The following ZNF385D variants were observed in gnomAD, a reference collection of about 807,000 sequenced individuals.
ZNF385D encodes zinc finger protein 659.
A neutral mutation model predicts 35.8 loss-of-function variants in ZNF385D; 15 were observed. That is an observed-to-expected ratio of 0.42 (90% CI 0.28 to 0.64). The LOEUF (loss-of-function observed/expected upper bound fraction) is 0.64. ZNF385D is among the 30% of genes least tolerant of loss of function. ZNF385D has a pLI of 0.23. For synonymous variants in ZNF385D, 212 were observed against 186.8 expected, an observed-to-expected ratio of 1.13 and a Z score of -1.10; for missense variants, 474 against 494.6, an observed-to-expected ratio of 0.96 and a Z score of 0.39.
chr3:22,344,198 G>GTGTGTGTA (rs1416353092), intron 2 of ZNF385D, among the ~76,000 whole-genome samples: 2 of 151,818 alleles, frequency 1.3e-5, no homozygotes, highest in Non-Finnish European at 1.5e-5. Context: ...GTGTGTGTGT[G>GTGTGTGTA]TGTGTGTGAA....
intron 3 of ZNF385D, among the ~76,000 whole-genome samples, chr3:22,134,650 C>T (rs1703998157): frequency 1.3e-5 from 2 of 152,126 alleles, no homozygotes; most frequent in African/African-American, 2.4e-5. Context: ...TGTGCTACTA[C>T]AACAGAATCC....
intron 3 of ZNF385D, among the ~76,000 whole-genome samples, chr3:21,949,947 A>G (rs1269057232): frequency 2.0e-5 from 3 of 151,982 alleles, no homozygotes; most frequent in African/African-American, 7.3e-5. Context: ...TTCTTTATCT[A>G]GTTTATCATT....
intron 3 of ZNF385D, among the ~76,000 whole-genome samples, chr3:22,065,148 T>G (rs949550315): frequency 6.6e-6 from 1 of 152,188 alleles, no homozygotes; most frequent in African/African-American, 2.4e-5. Context: ...ATGAACTTAT[T>G]GAGAGAGTGT....
intron 3 of ZNF385D, among the ~76,000 whole-genome samples, chr3:22,168,222 A>G (rs1246062862): frequency 6.6e-6 from 1 of 152,150 alleles, no homozygotes; most frequent in Non-Finnish European, 1.5e-5. Flanking sequence ...ATATTTTCTA[A>G]TAACTTTCCA....
At chr3:21,770,521 A>T (rs1159453537) in intron 3 of ZNF385D, among the ~76,000 whole-genome samples, 2 of 152,224 alleles carry the variant, frequency 1.3e-5, no homozygotes, top group African/African-American at 4.8e-5. Flanking sequence ...GATAAATGCA[A>T]ATCAAAACCA....
At chr3:21,998,840 A>G (rs1388851161) in intron 3 of ZNF385D, among the ~76,000 whole-genome samples, 1 of 152,210 alleles carries the variant, frequency 6.6e-6, no homozygotes, top group Non-Finnish European at 1.5e-5. Context: ...TAACATACGC[A>G]CACACATAGA....
chr3:21,555,776 G>A (rs2062712821), intron 3 of ZNF385D, among the ~76,000 whole-genome samples: 1 of 152,100 alleles, frequency 6.6e-6, no homozygotes, highest in African/African-American at 2.4e-5. Context: ...CTAGATCTTT[G>A]AGGAATCACC....
chr3:22,078,826 A>C (rs1345334605), intron 3 of ZNF385D, among the ~76,000 whole-genome samples: 3 of 152,076 alleles, frequency 2.0e-5, no homozygotes, highest in Admixed American at 1.3e-4. Context: ...ATGGATATAT[A>C]AGCAAAGATA....
chr3:21,735,136 G>A lies in ZNF385D; in HGVS notation c.22+15759C>T, dbSNP rs1362953670. On this transcript the variant is annotated intron_variant, in intron 1 of 7. Coordinates refer to ENST00000281523, the MANE Select transcript of ZNF385D (RefSeq NM_024697.3). ...CTAATGCAAATAATGGCAGGCTGGA[G>A]GTTTGAATTCAGTAAGCAAAGAGTC... Among the ~76,000 whole-genome samples, 4 of 152,302 alleles carry A rather than the reference G, an allele frequency of 2.6e-5. No homozygotes were observed. In the South Asian group the frequency reaches 6.2e-4, roughly 24 times the overall value.
At chr3:21,825,659 A>G (rs1453726485) in intron 3 of ZNF385D, among the ~76,000 whole-genome samples, 1 of 152,192 alleles carries the variant, frequency 6.6e-6, no homozygotes, top group Non-Finnish European at 1.5e-5. Flanking sequence ...TTTAAAAGCA[A>G]GACAGAAGAG....
At chr3:21,833,567 C>T (rs980816183) in intron 3 of ZNF385D, among the ~76,000 whole-genome samples, 16 of 152,108 alleles carry the variant, frequency 1.1e-4, no homozygotes, top group Admixed American at 2.0e-4. Flanking sequence ...TGTGGCCCTG[C>T]CACCGCTTGA....
At chr3:22,273,252 G>C (rs373900428) in intron 2 of ZNF385D, among the ~76,000 whole-genome samples, 6 of 152,116 alleles carry the variant, frequency 3.9e-5, no homozygotes, top group African/African-American at 1.4e-4. Context: ...AGCTTTATCT[G>C]TAGAACCTGT....
At chr3:21,449,418 T>C (rs1210763175) in intron 4 of ZNF385D, among the ~76,000 whole-genome samples, 1 of 152,194 alleles carries the variant, frequency 6.6e-6, no homozygotes, top group Admixed American at 6.5e-5. Flanking sequence ...TTGATATAAA[T>C]AGAAGTTCTA....
chr3:21,882,294 C>G (rs749127888), intron 3 of ZNF385D, among the ~76,000 whole-genome samples: 6 of 151,944 alleles, frequency 3.9e-5, no homozygotes, highest in Non-Finnish European at 8.8e-5. Context: ...CAGCAACCAC[C>G]ATCCTGTTCA....
chr3:21,489,864 A>G (rs1464387453), intron 4 of ZNF385D, among the ~76,000 whole-genome samples: 1 of 151,946 alleles, frequency 6.6e-6, no homozygotes, highest in East Asian at 1.9e-4. Context: ...GGGCATACCA[A>G]TCTTCTGGTT....
chr3:22,098,416 A>G (rs915513135), intron 3 of ZNF385D, among the ~76,000 whole-genome samples: 1 of 152,044 alleles, frequency 6.6e-6, no homozygotes, highest in Non-Finnish European at 1.5e-5. Flanking sequence ...AGGAAAAGGG[A>G]GCATTTGGGA....
intron 3 of ZNF385D, among the ~76,000 whole-genome samples, chr3:22,068,221 T>C (rs982425207): frequency 1.3e-5 from 2 of 152,234 alleles, no homozygotes; most frequent in Non-Finnish European, 2.9e-5. Flanking sequence ...TTTCAGACAG[T>C]TGTACTATCA....
At chr3:22,325,510 T>A (rs933921655) in intron 2 of ZNF385D, among the ~76,000 whole-genome samples, 9 of 152,186 alleles carry the variant, frequency 5.9e-5, no homozygotes, top group Non-Finnish European at 1.3e-4. Flanking sequence ...ACGCCTATAG[T>A]CCCAGCACCT....
At chr3:22,087,374 A>T (rs964113336) in intron 3 of ZNF385D, among the ~76,000 whole-genome samples, 2 of 152,224 alleles carry the variant, frequency 1.3e-5, no homozygotes, top group African/African-American at 4.8e-5. Context: ...GATATTACTC[A>T]GTCTCCCTTA....
Sources: allele counts gnomAD v4.1 joint callset (sites outside exome capture counted in the v4.1 genomes callset), GRCh38; gene constraint gnomAD v4.1.1; transcripts MANE v1.5; gene names NCBI Gene and HGNC (gene_info 2026-07-23, HGNC 2026-07-21).